Variants in TBC1D22B observed in about 807,000 individuals in gnomAD.
TBC1D22B encodes TBC1 domain family member 22B.
Under a neutral mutation model 69.1 loss-of-function variants are expected in TBC1D22B, and 32 were observed. The ratio of observed to expected loss-of-function variants is 0.46; its 90% CI spans 0.35 to 0.62. The LOEUF (loss-of-function observed/expected upper bound fraction) is 0.62, where lower values mean the gene tolerates loss of function less well. Ranked by LOEUF, TBC1D22B falls within the 20% of genes least tolerant of loss-of-function variation. The pLI is 0.00. For missense variants in TBC1D22B, 462 were observed against 630.9 expected, an observed-to-expected ratio of 0.73 and a Z score of 2.87; for synonymous variants, 206 against 229.8, an observed-to-expected ratio of 0.90 and a Z score of 0.94.
At chr6:37,287,253 A>G (rs1258918771) in intron 7 of TBC1D22B, among the ~76,000 whole-genome samples, 181 bp downstream of exon 7, 1 of 152,208 alleles carries the variant, frequency 6.6e-6, no homozygotes, top group African/African-American at 2.4e-5. Flanking sequence ...GCGGAATAAC[A>G]CTTTGAAAGG....
chr6:37,313,627 C>G (rs1447808171), intron 9 of TBC1D22B, among the ~76,000 whole-genome samples, 189 bp from the exon 10 acceptor site: 2 of 152,226 alleles, frequency 1.3e-5, no homozygotes, highest in Admixed American at 6.5e-5. Context: ...TGCTTCCACA[C>G]TGCAGGGCTC....
intron 5 of TBC1D22B, among the ~76,000 whole-genome samples, chr6:37,283,284 G>A (rs195752): frequency 0.84 from 128,346 of 152,164 alleles, 54,411 homozygotes; most frequent in South Asian, 0.92. Context: ...TGTTTCAGCC[G>A]GAATAACCAA....
rs150240809 is a variant in TBC1D22B, at chr6:37,265,741, G to A, written c.57-3853G>A. 2.0e-5 allele frequency among the ~76,000 whole-genome samples: 3 copies of A among 152,190 alleles called. No homozygotes were observed. The East Asian group carries it at 5.8e-4, about 29-fold the overall frequency. The stretch of plus-strand genomic sequence containing the variant: ...ACATTACTTATTAATCTTCCAGAGA[G>A]GTTTAGGGAGTAAAGATTCTTATAG... On this transcript the variant is annotated intron_variant, in intron 1 of 12. Transcript: ENST00000373491.
chr6:37,328,501 T>C (rs1324070667), intron 12 of TBC1D22B, among the ~76,000 whole-genome samples: 2 of 152,192 alleles, frequency 1.3e-5, no homozygotes, highest in Non-Finnish European at 2.9e-5. Context: ...TTCTGGTACA[T>C]CTTACATCAT....
intron 3 of TBC1D22B, 101 bp downstream of exon 3, chr6:37,279,712 A>G (rs1022998777): frequency 1.9e-5 from 24 of 1,248,948 alleles, no homozygotes; most frequent in Non-Finnish European, 2.5e-5. Context: ...TAGATATTCA[A>G]CTGGGCGGTA....
At chr6:37,274,034 C>T (rs1009160701) in intron 2 of TBC1D22B, among the ~76,000 whole-genome samples, 2 of 152,202 alleles carry the variant, frequency 1.3e-5, no homozygotes, top group African/African-American at 4.8e-5. Flanking sequence ...GATACTATTG[C>T]CTGCAGTAAT....
In TBC1D22B at chr6:37,326,110, G is replaced by C. The variant is rs193070488; in HGVS notation, c.1390-4934G>C. On this transcript the variant is annotated intron_variant, in intron 12 of 12. Coordinates refer to ENST00000373491, the MANE Select transcript of TBC1D22B (RefSeq NM_017772.4). ...ACAAAGAGTATTCTCGGCTGGGCGCGGTGGCTCACGCCTGTAATCCCAACA... is the reference window on the plus strand; with the variant it reads ...ACAAAGAGTATTCTCGGCTGGGCGCCGTGGCTCACGCCTGTAATCCCAACA... Among the ~76,000 whole-genome samples, 6 of 152,136 alleles carry C rather than the reference G, an allele frequency of 3.9e-5. No individual in the cohort carries two copies. The East Asian group carries it at 1.2e-3, about 29-fold the overall frequency.
intron 8 of TBC1D22B, among the ~76,000 whole-genome samples, chr6:37,307,502 C>T (rs1347443062): frequency 6.6e-6 from 1 of 151,886 alleles, no homozygotes; most frequent in African/African-American, 2.4e-5. Flanking sequence ...ACTACAGGCA[C>T]CTGCCACCAT....
intron 1 of TBC1D22B, 117 bp from the exon 2 acceptor site, chr6:37,269,477 T>C (rs1436070385): frequency 1.1e-6 from 1 of 902,168 alleles, no homozygotes; most frequent in Non-Finnish European, 1.8e-6. Context: ...AGTACAGTTA[T>C]TAGAGATAAC....
intron 8 of TBC1D22B, among the ~76,000 whole-genome samples, chr6:37,297,550 C>CTG (rs1487481583): frequency 6.6e-6 from 1 of 152,146 alleles, no homozygotes; most frequent in East Asian, 1.9e-4. Flanking sequence ...GCTTTAATAC[C>CTG]TGTGCTCTCT....
At chr6:37,327,319 A>C (rs969026220) in intron 12 of TBC1D22B, among the ~76,000 whole-genome samples, 1 of 136,002 alleles carries the variant, frequency 7.4e-6, no homozygotes, top group African/African-American at 3.0e-5. Context: ...TCTACTAAAA[A>C]TGCAAAAAAT....
At chr6:37,294,801 A>G (rs1274678413) in intron 8 of TBC1D22B, among the ~76,000 whole-genome samples, 1 of 152,212 alleles carries the variant, frequency 6.6e-6, no homozygotes, top group Non-Finnish European at 1.5e-5. Flanking sequence ...GAACCTAGAC[A>G]CCTGAGAGCT....
At chr6:37,290,666 C>G (rs1442722272) in intron 7 of TBC1D22B, among the ~76,000 whole-genome samples, 2 of 152,086 alleles carry the variant, frequency 1.3e-5, no homozygotes, top group Admixed American at 1.3e-4. Context: ...TAGCAAACAT[C>G]TGAGTTGTAT....
chr6:37,284,504 A>G (rs377629031), intron 6 of TBC1D22B, 40 bp downstream of exon 6: 15 of 1,531,618 alleles, frequency 9.8e-6, no homozygotes, highest in Non-Finnish European at 1.1e-5. Context: ...TACCAGTCAT[A>G]TACTTTAGGT....
chr6:37,281,597 G>A (rs1314943149), intron 3 of TBC1D22B, among the ~76,000 whole-genome samples: 2 of 152,204 alleles, frequency 1.3e-5, no homozygotes, highest in East Asian at 3.8e-4. Context: ...TACAGGATGT[G>A]CGGGGATATT....
intron 12 of TBC1D22B, among the ~76,000 whole-genome samples, chr6:37,317,631 A>G (rs1192019754): frequency 6.6e-6 from 1 of 152,234 alleles, no homozygotes; most frequent in Non-Finnish European, 1.5e-5. Context: ...TAAATTGAAA[A>G]GAATGTAAAG....
chr6:37,296,495 A>G (rs1242180361), intron 8 of TBC1D22B, among the ~76,000 whole-genome samples: 3 of 152,122 alleles, frequency 2.0e-5, no homozygotes, highest in African/African-American at 7.2e-5. Flanking sequence ...ACTACAGGGG[A>G]GTGCCATCAC....
intron 7 of TBC1D22B, among the ~76,000 whole-genome samples, chr6:37,287,883 T>C (rs1333652988): frequency 6.6e-6 from 1 of 152,204 alleles, no homozygotes; most frequent in Non-Finnish European, 1.5e-5. Flanking sequence ...CTTTTGGGTA[T>C]ATATTTAGAA....
Position 37,316,827 on chromosome 6 carries a change from T to C in TBC1D22B, c.1290T>C (p.Tyr430=). ...GCACCATCCGCCTGTGGGACACATA[T>C]CAGGTAGGAGGGATTCCCCGGCCTC... ...LRCTIRLWDT[Y]QSEPEGFSHF... The change falls in exon 11 of 13, where the codon TAT becomes TAC. Residue 430 remains tyrosine (Y), a synonymous_variant. Transcript: ENST00000373491. 2 of 1,614,182 alleles carry C rather than the reference T, an allele frequency of 1.2e-6. No homozygotes were observed. The highest frequency in any genetic ancestry group is 1.7e-6 in the Non-Finnish European group (2 of 1,180,040).
Sources: gnomAD v4.1 joint callset for allele counts (sites outside exome capture counted in the v4.1 genomes callset) on GRCh38, gnomAD v4.1.1 for gene constraint, MANE v1.5 for transcripts, NCBI Gene and HGNC (gene_info 2026-07-23, HGNC 2026-07-21) for gene names.